The following POU6F2 variants were observed in gnomAD, a reference collection of about 807,000 sequenced individuals.
POU6F2 encodes POU class 6 homeobox 2.
POU6F2 carries 31 observed loss-of-function variants against 71.3 expected under a neutral mutation model. The ratio of observed to expected loss-of-function variants is 0.43; its 90% CI spans 0.33 to 0.59. The LOEUF is 0.59. POU6F2 is among the 20% of genes least tolerant of loss of function. The pLI is 0.04. For synonymous variants in POU6F2, 347 were observed against 355.7 expected (o/e 0.98, Z 0.27); for missense variants, 783 against 856.8 (o/e 0.91, Z 1.07).
At chr7:39,129,338 T>G (rs1056016444) in intron 2 of POU6F2, among the ~76,000 whole-genome samples, 1 of 152,194 alleles carries the variant, frequency 6.6e-6, no homozygotes, top group Non-Finnish European at 1.5e-5. Flanking sequence ...GCTTAGCATA[T>G]AGTAGTTGCT....
At chr7:39,210,253 T>C (rs1417136800) in intron 4 of POU6F2, among the ~76,000 whole-genome samples, 1 of 152,220 alleles carries the variant, frequency 6.6e-6, no homozygotes, top group African/African-American at 2.4e-5. Flanking sequence ...CCATGTAACA[T>C]GCTTGGTCAT....
At chr7:39,386,371 G>A (rs1194744457) in intron 5 of POU6F2, among the ~76,000 whole-genome samples, 1 of 152,162 alleles carries the variant, frequency 6.6e-6, no homozygotes, top group Admixed American at 6.5e-5. Context: ...GTGACAGGGT[G>A]GCAGAGCCTC....
chr7:39,058,901 G>A (rs1456138038), intron 1 of POU6F2, among the ~76,000 whole-genome samples: 3 of 152,090 alleles, frequency 2.0e-5, no homozygotes, highest in African/African-American at 4.8e-5. Flanking sequence ...CCAACACCCA[G>A]AATCTTCATT....
rs567390433 is a variant in POU6F2, at chr7:39,262,309, G to C, written c.598+54689G>C. Among the ~76,000 whole-genome samples the C allele has an allele frequency of 2.4e-3, 370 of 152,296 alleles. 3 individuals carry two copies. The highest frequency in any genetic ancestry group is 8.4e-3 in the African/African-American group (350 of 41,558). ...TGGCCTTACAAAACAGGAATGAATG[G>C]TGGATCTGAACGGCTCCAGTGAGCT... On this transcript the variant is annotated intron_variant, in intron 4 of 9. Coordinates refer to ENST00000518318, the MANE Select transcript of POU6F2 (RefSeq NM_001370959.1).
intron 4 of POU6F2, among the ~76,000 whole-genome samples, chr7:39,280,590 A>C (rs777824192): frequency 8.5e-5 from 13 of 152,232 alleles, no homozygotes; most frequent in Non-Finnish European, 1.9e-4. Context: ...TACTTTCTGA[A>C]ATTAGTTATC....
intron 2 of POU6F2, among the ~76,000 whole-genome samples, chr7:39,170,039 G>A (rs748430610): frequency 6.6e-6 from 1 of 152,060 alleles, no homozygotes; most frequent in Non-Finnish European, 1.5e-5. Context: ...GTTGTGGCAG[G>A]CACCTGTAAT....
chr7:39,174,632 C>A (rs918904500), intron 2 of POU6F2, among the ~76,000 whole-genome samples: 1 of 152,056 alleles, frequency 6.6e-6, no homozygotes, highest in Non-Finnish European at 1.5e-5. Context: ...CACCCCATGG[C>A]TTGTCCCCTC....
chr7:39,449,685 C>G (rs1788610450), intron 7 of POU6F2, among the ~76,000 whole-genome samples: 1 of 152,256 alleles, frequency 6.6e-6, no homozygotes, highest in Non-Finnish European at 1.5e-5. Flanking sequence ...TAGCCCCAAA[C>G]TGGAAACAAC....
intron 2 of POU6F2, among the ~76,000 whole-genome samples, chr7:39,115,643 A>C (rs1791913175): frequency 6.6e-6 from 1 of 152,182 alleles, no homozygotes; most frequent in South Asian, 2.1e-4. Flanking sequence ...AAAGTCAAAG[A>C]AACCCCTAAC....
chr7:39,031,570 A>G (rs778603028), intron 1 of POU6F2, among the ~76,000 whole-genome samples: 1 of 151,942 alleles, frequency 6.6e-6, no homozygotes, highest in Non-Finnish European at 1.5e-5. Flanking sequence ...ATTCCCTCCT[A>G]TCATTTAGCT....
chr7:39,114,228 G>A (rs1220649435), intron 2 of POU6F2, among the ~76,000 whole-genome samples: 1 of 152,160 alleles, frequency 6.6e-6, no homozygotes, highest in African/African-American at 2.4e-5. Context: ...TAACAGCCAT[G>A]TGATGGTTAT....
intron 4 of POU6F2, among the ~76,000 whole-genome samples, chr7:39,239,437 A>G (rs2128751131): frequency 6.6e-6 from 1 of 152,304 alleles, no homozygotes; most frequent in African/African-American, 2.4e-5. Context: ...CCCACTTAGT[A>G]TGAAAAGTCA....
At chr7:39,092,153 T>C (rs968165163) in intron 2 of POU6F2, among the ~76,000 whole-genome samples, 1 of 152,220 alleles carries the variant, frequency 6.6e-6, no homozygotes, top group Non-Finnish European at 1.5e-5. Flanking sequence ...AAAGTGTTTA[T>C]ACCAAACTGG....
chr7:39,303,004 C>G (rs1411072324), intron 4 of POU6F2, among the ~76,000 whole-genome samples: 1 of 152,236 alleles, frequency 6.6e-6, no homozygotes, highest in African/African-American at 2.4e-5. Context: ...ATTTACATTT[C>G]TACTAAGTTC....
At chr7:39,076,165 C>A (rs1280677295) in intron 1 of POU6F2, among the ~76,000 whole-genome samples, 1 of 151,916 alleles carries the variant, frequency 6.6e-6, no homozygotes, top group African/African-American at 2.4e-5. Context: ...CCTTTCCTTT[C>A]TCCCTTTTCT....
intron 5 of POU6F2, 90 bp from the exon 6 acceptor site, chr7:39,406,510 G>A (rs1208271904): frequency 6.7e-7 from 1 of 1,483,698 alleles, no homozygotes; most frequent in African/African-American, 1.4e-5. Context: ...GAATTGAGGC[G>A]AGAACTACCT....
At chr7:39,312,709 A>T (rs767610511) in intron 4 of POU6F2, among the ~76,000 whole-genome samples, 9 of 152,230 alleles carry the variant, frequency 5.9e-5, no homozygotes, top group Non-Finnish European at 1.2e-4. Context: ...CGAGGCCACT[A>T]TTAAGTAAAG....
intron 1 of POU6F2, among the ~76,000 whole-genome samples, chr7:39,059,933 A>G (rs774992889): frequency 6.6e-6 from 1 of 152,244 alleles, no homozygotes; most frequent in Non-Finnish European, 1.5e-5. Flanking sequence ...TACAGGGGCC[A>G]GGTGCGGTGG....
intron 4 of POU6F2, among the ~76,000 whole-genome samples, chr7:39,215,268 T>A (rs2128747405): frequency 6.6e-6 from 1 of 152,178 alleles, no homozygotes; most frequent in East Asian, 1.9e-4. Context: ...TCGCTTGTAC[T>A]TGGGAGGCGG....
Sources: allele counts gnomAD v4.1 joint callset (sites outside exome capture counted in the v4.1 genomes callset), GRCh38; gene constraint gnomAD v4.1.1; transcripts MANE v1.5; gene names NCBI Gene and HGNC (gene_info 2026-07-23, HGNC 2026-07-21).